Variants in RARB observed in about 807,000 individuals in gnomAD.
RARB encodes retinoic acid receptor beta.
In RARB, 17 loss-of-function variants were observed where a neutral mutation model predicts 51.9. The ratio of observed to expected loss-of-function variants is 0.33; its 90% CI spans 0.22 to 0.49. The LOEUF (loss-of-function observed/expected upper bound fraction) is 0.49, where lower values mean the gene tolerates loss of function less well. Among genes scored for constraint, RARB ranks in the 20% least tolerant of loss-of-function variants. The probability of loss-of-function intolerance (pLI) is 0.99; values close to 1 mark genes in which losing one functional copy is unlikely to be tolerated. For missense variants in RARB, 369 were observed against 550.8 expected (o/e 0.67, Z 3.30); for synonymous variants, 215 against 195.4 (o/e 1.10, Z -0.84).
intron 3 of RARB, among the ~76,000 whole-genome samples, chr3:25,506,453 TA>T (rs1320449304): frequency 6.6e-6 from 1 of 151,616 alleles, no homozygotes; most frequent in East Asian, 2.0e-4. Flanking sequence ...AAAATTTTTT[TA>T]AAAATTAGCT....
At chr3:24,904,898 A>G (rs1181462660) in intron 2 of RARB, among the ~76,000 whole-genome samples, 1 of 152,234 alleles carries the variant, frequency 6.6e-6, no homozygotes, top group Admixed American at 6.5e-5. Context: ...CATTCTCAGC[A>G]AACTAACACA....
At chr3:25,122,081 C>G (rs1408112546) in intron 3 of RARB, among the ~76,000 whole-genome samples, 1 of 152,050 alleles carries the variant, frequency 6.6e-6, no homozygotes. Context: ...TTAATTGTTC[C>G]AACACAGAAA....
At chr3:25,159,656 C>G (rs149730043) in intron 4 of RARB, among the ~76,000 whole-genome samples, 1 of 152,120 alleles carries the variant, frequency 6.6e-6, no homozygotes, top group Non-Finnish European at 1.5e-5. Context: ...CAGCTGTATC[C>G]TCTTTGATCT....
At chr3:25,250,520 C>T (rs1702686291) in intron 5 of RARB, among the ~76,000 whole-genome samples, 1 of 152,098 alleles carries the variant, frequency 6.6e-6, no homozygotes, top group Non-Finnish European at 1.5e-5. Flanking sequence ...TCTCATGGCA[C>T]TTGTAGATGT....
chr3:24,857,655 C>G (rs1702659270), intron 1 of RARB, among the ~76,000 whole-genome samples: 1 of 152,204 alleles, frequency 6.6e-6, no homozygotes, highest in African/African-American at 2.4e-5. Context: ...GTAGCTCACA[C>G]CAGTAATCCC....
At chr3:25,404,924 A>G (rs542839976) in intron 5 of RARB, among the ~76,000 whole-genome samples, 1 of 152,188 alleles carries the variant, frequency 6.6e-6, no homozygotes, top group Non-Finnish European at 1.5e-5. Flanking sequence ...CTCATGCCCA[A>G]TCAGCATTTA....
chr3:25,442,380 C>A (rs1177442339), intron 1 of RARB, among the ~76,000 whole-genome samples: 1 of 152,146 alleles, frequency 6.6e-6, no homozygotes, highest in African/African-American at 2.4e-5. Context: ...ATGATCCACC[C>A]GCCTCGATCT....
intron 5 of RARB, among the ~76,000 whole-genome samples, chr3:25,296,661 C>A (rs1214799625): frequency 6.6e-6 from 1 of 152,148 alleles, no homozygotes; most frequent in East Asian, 1.9e-4. Flanking sequence ...AAAACCCTCA[C>A]TCTAACTGGG....
intron 2 of RARB, among the ~76,000 whole-genome samples, chr3:24,971,611 G>A (rs1392590609): frequency 6.6e-6 from 1 of 152,008 alleles, no homozygotes; most frequent in African/African-American, 2.4e-5. Flanking sequence ...GACATTGGTA[G>A]CCTTCTAAAA....
At chr3:25,490,077 T>G (rs1021502987) in intron 2 of RARB, among the ~76,000 whole-genome samples, 1 of 152,222 alleles carries the variant, frequency 6.6e-6, no homozygotes, top group African/African-American at 2.4e-5. Flanking sequence ...AATAAATCCC[T>G]GTTATTTTTC....
intron 5 of RARB, among the ~76,000 whole-genome samples, chr3:25,311,869 C>G (rs1704299116): frequency 6.6e-6 from 1 of 152,184 alleles, no homozygotes; most frequent in Non-Finnish European, 1.5e-5. Flanking sequence ...TACTCACACT[C>G]AAGCTCTGCC....
intron 5 of RARB, among the ~76,000 whole-genome samples, chr3:25,583,253 G>C (rs1701254876): frequency 6.6e-6 from 1 of 152,240 alleles, no homozygotes; most frequent in Non-Finnish European, 1.5e-5. Flanking sequence ...AGCATATTTT[G>C]AATGAGAATA....
intron 3 of RARB, among the ~76,000 whole-genome samples, chr3:25,068,737 T>G (rs1361795008): frequency 1.3e-5 from 2 of 152,156 alleles, no homozygotes; most frequent in Non-Finnish European, 2.9e-5. Flanking sequence ...TGAATCTGAT[T>G]GAGGCAAGAA....
chr3:25,424,404 A>G (rs1393148040), upstream of RARB, among the ~76,000 whole-genome samples: 2 of 152,190 alleles, frequency 1.3e-5, no homozygotes, highest in Admixed American at 6.5e-5. Flanking sequence ...TCTGCCTGCT[A>G]GTATGGAAGC....
intron 3 of RARB, among the ~76,000 whole-genome samples, chr3:25,517,994 G>A (rs1338266223): frequency 6.6e-6 from 1 of 152,188 alleles, no homozygotes; most frequent in Non-Finnish European, 1.5e-5. Context: ...TTGTCAAGCA[G>A]TGGTGAATGG....
intron 5 of RARB, among the ~76,000 whole-genome samples, chr3:25,405,296 A>C (rs531753327): frequency 2.6e-5 from 4 of 152,148 alleles, no homozygotes; most frequent in Non-Finnish European, 5.9e-5. Context: ...TGGAAGGAGG[A>C]TTGCTTGAGG....
intron 5 of RARB, among the ~76,000 whole-genome samples, chr3:25,281,737 G>A (rs1007729553): frequency 6.6e-6 from 1 of 152,156 alleles, no homozygotes; most frequent in Non-Finnish European, 1.5e-5. Flanking sequence ...AGTTGATGTG[G>A]CTATTTCAAT....
chr3:25,036,962 T>C (rs1227343844), intron 2 of RARB, among the ~76,000 whole-genome samples: 1 of 152,192 alleles, frequency 6.6e-6, no homozygotes, highest in African/African-American at 2.4e-5. Context: ...TCAGTGAGGA[T>C]AGGGATTTAC....
chr3:25,428,909 TCTTCTAC>T (rs1365004131), intron 1 of RARB, 21 bp downstream of exon 1: 1 of 1,575,422 alleles, frequency 6.3e-7, no homozygotes, highest in Admixed American at 1.8e-5. Flanking sequence ...TTTTTTCCCT[TCTTCTAC>T]CAAGAAAAAA....
Sources: allele counts gnomAD v4.1 joint callset (sites outside exome capture counted in the v4.1 genomes callset), GRCh38; gene constraint gnomAD v4.1.1; transcripts MANE v1.5; gene names NCBI Gene and HGNC (gene_info 2026-07-23, HGNC 2026-07-21).